Variants in HPSE2 observed in about 807,000 individuals in gnomAD.
The protein encoded by HPSE2 is inactive heparanase-2.
Under a neutral mutation model 60.5 loss-of-function variants are expected in HPSE2, and 38 were observed. That is an observed-to-expected ratio of 0.63 (90% confidence interval 0.48 to 0.82). HPSE2 has a LOEUF of 0.82. Ranked by LOEUF, HPSE2 falls within the 40% of genes least tolerant of loss-of-function variation. The probability of loss-of-function intolerance (pLI) is 0.00; values close to 1 mark genes in which losing one functional copy is unlikely to be tolerated. For missense variants in HPSE2, 713 were observed against 740.4 expected (o/e 0.96, Z 0.43); for synonymous variants, 295 against 293.2 (o/e 1.01, Z -0.06).
At position 98,564,159 on chromosome 10, in the gene HPSE2, C is replaced by T. The variant is rs74156640; in HGVS notation, c.1320+50745G>A. Among the ~76,000 whole-genome samples the T allele has an allele frequency of 7.5e-3, 1,140 of 152,294 alleles. 16 individuals carry two copies. Among genetic ancestry groups the T allele is most frequent in the African/African-American group, 0.022 (934 of 41,566 alleles). On this transcript the variant is annotated intron_variant, in intron 9 of 11. Transcript: ENST00000370552. ...ACAATGTACTAAAACCTAGCTAGTG[C>T]TGTTGTCCCCACTCTCTGCCTTTGC...
intron 3 of HPSE2, among the ~76,000 whole-genome samples, chr10:99,004,933 G>C (rs1334583003): frequency 1.3e-5 from 2 of 151,934 alleles, no homozygotes; most frequent in African/African-American, 4.8e-5. Flanking sequence ...TGGTTGGCAG[G>C]GTTTCTTTTT....
chr10:99,256,222 G>A, the HPSE2 span, among the ~76,000 whole-genome samples: 2 of 150,256 alleles, frequency 1.3e-5, no homozygotes, highest in African/African-American at 4.9e-5. Flanking sequence ...ATACAATAGT[G>A]TTGGGATGTG....
intron 3 of HPSE2, among the ~76,000 whole-genome samples, chr10:98,872,291 G>A (rs1952755415): frequency 6.6e-6 from 1 of 152,066 alleles, no homozygotes; most frequent in Non-Finnish European, 1.5e-5. Context: ...ATGATAGAAT[G>A]AATGTCTCCC....
chr10:98,835,023 A>G (rs1951761024), intron 3 of HPSE2, among the ~76,000 whole-genome samples: 1 of 152,190 alleles, frequency 6.6e-6, no homozygotes, highest in African/African-American at 2.4e-5. Context: ...AAATATTGGT[A>G]AGCATGACCC....
At chr10:99,202,051 A>G (rs912794315) in intron 2 of HPSE2, among the ~76,000 whole-genome samples, 1 of 152,232 alleles carries the variant, frequency 6.6e-6, no homozygotes, top group Non-Finnish European at 1.5e-5. Flanking sequence ...TGGAAGTAAC[A>G]AAGTAAATCC....
At chr10:99,229,614 C>T (rs1849581773) in intron 2 of HPSE2, among the ~76,000 whole-genome samples, 1 of 152,140 alleles carries the variant, frequency 6.6e-6, no homozygotes, top group African/African-American at 2.4e-5. Context: ...AACAGTAAGC[C>T]CTGGGCCACA....
chr10:98,471,573 TC>T (rs1406204120), intron 11 of HPSE2, among the ~76,000 whole-genome samples: 1 of 152,192 alleles, frequency 6.6e-6, no homozygotes, highest in Non-Finnish European at 1.5e-5. Context: ...ATATGAACTT[TC>T]CAAAGACAAG....
rs116256843 is a variant in HPSE2, at chr10:98,865,583, C to A, written c.611-121527G>T. Among the ~76,000 whole-genome samples, 767 of 152,190 alleles carry A rather than the reference C, an allele frequency of 5.0e-3. 7 individuals carry two copies. Among genetic ancestry groups the A allele is most frequent in the African/African-American group, 0.017 (707 of 41,552 alleles). ...TCTGGGAAGACCAAAGCACTTCATT[C>A]AGACTAACAGCAAATAAAGGGATGC... On this transcript the variant is annotated intron_variant, in intron 3 of 11. Coordinates refer to ENST00000370552, the MANE Select transcript of HPSE2 (RefSeq NM_021828.5).
At chr10:98,903,909 A>G (rs1406188136) in intron 3 of HPSE2, among the ~76,000 whole-genome samples, 1 of 152,166 alleles carries the variant, frequency 6.6e-6, no homozygotes, top group Non-Finnish European at 1.5e-5. Flanking sequence ...CTAGATGTAG[A>G]GTTAGAAAAT....
At chr10:99,144,673 A>G (rs1335746682) in intron 2 of HPSE2, among the ~76,000 whole-genome samples, 1 of 152,140 alleles carries the variant, frequency 6.6e-6, no homozygotes, top group Non-Finnish European at 1.5e-5. Flanking sequence ...TCTCCTTCCC[A>G]GCCCTTCAGG....
chr10:99,235,633 T>C lies in HPSE2; in HGVS notation c.170A>G (p.Glu57Gly), dbSNP rs767711059. 1.2e-6 allele frequency: 2 copies of C among 1,614,044 alleles called. No homozygotes were observed. The highest frequency in any genetic ancestry group is 1.7e-6 in the Non-Finnish European group (2 of 1,180,010). The part of the protein sequence containing the change: ...LPVDRAAGLK[E>G]KTLILLDVST... ...CACATCAAGTAGAATCAGGGTCTTT[T>C]CCTTCAAACCTGCAGCTCTGTCTAC... Residue 57 changes from glutamate to glycine, a missense_variant, in exon 1 of 12, where the codon GAA becomes GGA. Coordinates refer to ENST00000370552, the MANE Select transcript of HPSE2 (RefSeq NM_021828.5).
intron 3 of HPSE2, among the ~76,000 whole-genome samples, chr10:98,868,709 T>A (rs892372219): frequency 6.6e-6 from 1 of 152,128 alleles, no homozygotes; most frequent in Non-Finnish European, 1.5e-5. Context: ...TCTTCTTGAT[T>A]TTCTAATATA....
At chr10:98,504,450 G>A (rs1033790459) in intron 9 of HPSE2, among the ~76,000 whole-genome samples, 2 of 151,942 alleles carry the variant, frequency 1.3e-5, no homozygotes, top group Non-Finnish European at 2.9e-5. Flanking sequence ...TAACTTACAT[G>A]ATAGTTCTGA....
chr10:98,971,247 T>A (rs1248664973), intron 3 of HPSE2, among the ~76,000 whole-genome samples: 2 of 152,210 alleles, frequency 1.3e-5, no homozygotes, highest in Non-Finnish European at 2.9e-5. Flanking sequence ...CAACTTAGAA[T>A]TTGTAGAGGA....
At chr10:99,213,247 G>GA (rs1330455113) in intron 2 of HPSE2, among the ~76,000 whole-genome samples, 6 of 151,274 alleles carry the variant, frequency 4.0e-5, no homozygotes, top group Non-Finnish European at 8.8e-5. Flanking sequence ...GCAGAGAAGA[G>GA]AAAAAATACT....
chr10:98,733,051 C>T (rs2134289913), intron 4 of HPSE2, among the ~76,000 whole-genome samples: 1 of 152,226 alleles, frequency 6.6e-6, no homozygotes, highest in South Asian at 2.1e-4. Context: ...CAACTGTTTT[C>T]AGGTCCTTCT....
chr10:98,526,779 C>A (rs1942979391), intron 9 of HPSE2, among the ~76,000 whole-genome samples: 1 of 152,040 alleles, frequency 6.6e-6, no homozygotes, highest in South Asian at 2.1e-4. Flanking sequence ...TTTGTGTGGT[C>A]ATGACTAGAC....
At chr10:99,313,847 G>A in the HPSE2 span, among the ~76,000 whole-genome samples, 36 of 151,708 alleles carry the variant, frequency 2.4e-4, no homozygotes, top group African/African-American at 8.0e-4. Context: ...TAATCTGCCG[G>A]CCTCGACCTC....
intron 3 of HPSE2, among the ~76,000 whole-genome samples, chr10:99,101,315 C>CA (rs933621376): frequency 1.3e-5 from 2 of 151,586 alleles, no homozygotes; most frequent in African/African-American, 4.8e-5. Flanking sequence ...AAATGGAAAA[C>CA]AAAAAAAGGC....
Sources: allele counts gnomAD v4.1 joint callset (sites outside exome capture counted in the v4.1 genomes callset), GRCh38; gene constraint gnomAD v4.1.1; transcripts MANE v1.5; gene names NCBI Gene and HGNC (gene_info 2026-07-23, HGNC 2026-07-21).